SAMD4A: variants seen among roughly 807,000 people sequenced by gnomAD.
The protein encoded by SAMD4A is protein Smaug homolog 1.
In SAMD4A, 33 loss-of-function variants were observed where a neutral mutation model predicts 81.3. The ratio of observed to expected loss-of-function variants is 0.41; its 90% CI spans 0.31 to 0.54. The LOEUF (loss-of-function observed/expected upper bound fraction) is 0.54, where lower values mean the gene tolerates loss of function less well. SAMD4A is among the 20% of genes least tolerant of loss of function. The pLI, the probability that SAMD4A is intolerant of heterozygous loss-of-function variation, is 0.37. For synonymous variants in SAMD4A, 389 were observed against 382.1 expected (o/e 1.02, Z -0.21); for missense variants, 854 against 951.1 (o/e 0.90, Z 1.34).
intron 11 of SAMD4A, 61 bp downstream of exon 11, chr14:54,776,601 C>CA: frequency 6.9e-7 from 1 of 1,441,294 alleles, no homozygotes. Context: ...GATGCCCTAG[C>CA]AAACCCAGCC....
At chr14:54,685,079 G>A (rs1000675955) in intron 2 of SAMD4A, among the ~76,000 whole-genome samples, 3 of 152,162 alleles carry the variant, frequency 2.0e-5, no homozygotes, top group African/African-American at 7.2e-5. Context: ...CCTGAAGGGA[G>A]AGTAGATTTA....
At chr14:54,708,972 A>C (rs761685768) in intron 3 of SAMD4A, among the ~76,000 whole-genome samples, 1 of 152,206 alleles carries the variant, frequency 6.6e-6, no homozygotes, top group Non-Finnish European at 1.5e-5. Flanking sequence ...AGTGATGTTT[A>C]GAAGGCATTA....
intron 2 of SAMD4A, among the ~76,000 whole-genome samples, chr14:54,616,115 A>G (rs2034484981): frequency 6.6e-6 from 1 of 152,262 alleles, no homozygotes; most frequent in South Asian, 2.1e-4. Flanking sequence ...AGCTTCCTCT[A>G]TTTAAGTTTC....
chr14:54,609,967 G>A lies in SAMD4A; in HGVS notation c.196+41855G>A, dbSNP rs145095041. Among the ~76,000 whole-genome samples, 36 of 152,076 alleles carry A rather than the reference G, an allele frequency of 2.4e-4. 1 individual carries two copies. Among genetic ancestry groups the A allele is most frequent in the Non-Finnish European group, 4.9e-4 (33 of 67,978 alleles). On this transcript the variant is annotated intron_variant, in intron 2 of 12. Transcript: ENST00000554335. ...CCATTATGATTTTACTTTTTTTGTT[G>A]GCGCTGCTGATATTAAATCAGCGTA...
intron 2 of SAMD4A, among the ~76,000 whole-genome samples, chr14:54,622,882 A>G (rs956624968): frequency 2.0e-5 from 3 of 152,196 alleles, no homozygotes; most frequent in African/African-American, 7.2e-5. Flanking sequence ...CAGAACCTGC[A>G]TTTCAACAAG....
At chr14:54,631,179 A>G (rs907605320) in intron 2 of SAMD4A, among the ~76,000 whole-genome samples, 4 of 152,034 alleles carry the variant, frequency 2.6e-5, no homozygotes, top group African/African-American at 9.7e-5. Flanking sequence ...TCAAGGGAGG[A>G]TCAGCCTTTC....
At chr14:54,777,781 G>C (rs567516220) in intron 11 of SAMD4A, among the ~76,000 whole-genome samples, 1 of 152,242 alleles carries the variant, frequency 6.6e-6, no homozygotes, top group South Asian at 2.1e-4. Context: ...CAGTGCAGAG[G>C]CCTGCTCACA....
chr14:54,649,753 T>A (rs1167095451), intron 2 of SAMD4A, among the ~76,000 whole-genome samples: 2 of 152,242 alleles, frequency 1.3e-5, no homozygotes, highest in Admixed American at 1.3e-4. Context: ...AAGAGAATTG[T>A]ATGCTGTAAA....
At chr14:54,651,497 T>A (rs577459005) in intron 2 of SAMD4A, among the ~76,000 whole-genome samples, 1 of 152,218 alleles carries the variant, frequency 6.6e-6, no homozygotes, top group Non-Finnish European at 1.5e-5. Flanking sequence ...GGTAAACTTA[T>A]ACTTTCTAAG....
intron 2 of SAMD4A, among the ~76,000 whole-genome samples, chr14:54,695,678 G>A (rs1208685401): frequency 6.6e-6 from 1 of 150,582 alleles, no homozygotes; most frequent in East Asian, 2.0e-4. Flanking sequence ...GTTAGGGCCG[G>A]GCACGGTGGC....
intron 2 of SAMD4A, among the ~76,000 whole-genome samples, chr14:54,660,691 A>G (rs996166036): frequency 5.9e-5 from 9 of 152,228 alleles, no homozygotes; most frequent in East Asian, 5.8e-4. Flanking sequence ...TTTAAAAAAA[A>G]AGAGAGAGAC....
At chr14:54,670,028 T>C (rs2035845439) in intron 2 of SAMD4A, among the ~76,000 whole-genome samples, 1 of 152,212 alleles carries the variant, frequency 6.6e-6, no homozygotes, top group Non-Finnish European at 1.5e-5. Context: ...TGTGGCCACG[T>C]TGTGAACGCA....
chr14:54,716,515 T>C (rs1372126411), intron 3 of SAMD4A, among the ~76,000 whole-genome samples: 1 of 152,232 alleles, frequency 6.6e-6, no homozygotes, highest in Non-Finnish European at 1.5e-5. Context: ...CAAAAAGTTG[T>C]TGAAGCAACC....
chr14:54,675,823 G>A (rs1217634456), intron 2 of SAMD4A, among the ~76,000 whole-genome samples: 1 of 152,202 alleles, frequency 6.6e-6, no homozygotes, highest in Non-Finnish European at 1.5e-5. Context: ...GGGGACATCA[G>A]AGCTCCCATG....
chr14:54,620,583 G>A (rs146736863), intron 2 of SAMD4A, among the ~76,000 whole-genome samples: 11 of 152,250 alleles, frequency 7.2e-5, no homozygotes, highest in African/African-American at 1.7e-4. Context: ...ACAGCTTCTC[G>A]TGGTATAGGG....
chr14:54,630,338 T>A (rs1239080382), intron 2 of SAMD4A, among the ~76,000 whole-genome samples: 1 of 152,218 alleles, frequency 6.6e-6, no homozygotes, highest in Non-Finnish European at 1.5e-5. Flanking sequence ...TTGCCAACCC[T>A]TGTTATTTTC....
intron 2 of SAMD4A, among the ~76,000 whole-genome samples, chr14:54,610,420 A>G (rs2034323423): frequency 6.6e-6 from 1 of 152,198 alleles, no homozygotes; most frequent in Admixed American, 6.6e-5. Context: ...TTTCTTTACC[A>G]GAGACCTTAC....
chr14:54,707,161 T>C (rs570513899), intron 3 of SAMD4A, among the ~76,000 whole-genome samples: 1 of 149,300 alleles, frequency 6.7e-6, no homozygotes, highest in Non-Finnish European at 1.5e-5. Flanking sequence ...TGGAGTACAG[T>C]AGTGTGATCA....
At chr14:54,744,312 T>G (rs2037914723) in intron 4 of SAMD4A, among the ~76,000 whole-genome samples, 1 of 152,222 alleles carries the variant, frequency 6.6e-6, no homozygotes, top group South Asian at 2.1e-4. Context: ...GACTCAAATT[T>G]GCAGCCATTT....
Sources: allele counts gnomAD v4.1 joint callset (sites outside exome capture counted in the v4.1 genomes callset), GRCh38; gene constraint gnomAD v4.1.1; transcripts MANE v1.5; gene names NCBI Gene and HGNC (gene_info 2026-07-23, HGNC 2026-07-21).